Variants in TRPM3 observed in about 807,000 individuals in gnomAD.
The protein encoded by TRPM3 is transient receptor potential cation channel subfamily M member 3.
A neutral mutation model predicts 181.2 loss-of-function variants in TRPM3; 77 were observed. The ratio of observed to expected loss-of-function variants is 0.42; its 90% CI spans 0.35 to 0.51. The LOEUF is 0.51. TRPM3 is among the 20% of genes least tolerant of loss of function. The pLI is 0.01. For missense variants in TRPM3, 1,759 were observed against 2,196.7 expected, an observed-to-expected ratio of 0.80 and a Z score of 3.98; for synonymous variants, 745 against 796.4, an observed-to-expected ratio of 0.94 and a Z score of 1.09.
At chr9:70,988,090 G>T (rs898311181) in intron 1 of TRPM3, among the ~76,000 whole-genome samples, 1 of 152,114 alleles carries the variant, frequency 6.6e-6, no homozygotes, top group Non-Finnish European at 1.5e-5. Flanking sequence ...GCAAGCTTAT[G>T]TAAGTCACTG....
At chr9:71,293,015 C>A (rs188108871) in intron 1 of TRPM3, among the ~76,000 whole-genome samples, 1 of 151,852 alleles carries the variant, frequency 6.6e-6, no homozygotes, top group Non-Finnish European at 1.5e-5. Context: ...AAATGTAAGT[C>A]AACACAGCTA....
intron 1 of TRPM3, among the ~76,000 whole-genome samples, chr9:71,408,633 G>A (rs1344833952): frequency 1.3e-5 from 2 of 152,202 alleles, no homozygotes; most frequent in African/African-American, 4.8e-5. Flanking sequence ...TTTGATTGGT[G>A]TACCTGAAAG....
upstream of TRPM3, among the ~76,000 whole-genome samples, chr9:71,122,877 T>C (rs1003001205): frequency 2.0e-5 from 3 of 152,240 alleles, no homozygotes; most frequent in South Asian, 2.1e-4. Flanking sequence ...TTAATAGATC[T>C]CATACACAGC....
chr9:70,961,959 T>G (rs910931085), intron 1 of TRPM3, among the ~76,000 whole-genome samples: 3 of 152,118 alleles, frequency 2.0e-5, no homozygotes, highest in African/African-American at 7.2e-5. Flanking sequence ...ATAGAATGAC[T>G]CTATAGGACT....
chr9:71,227,994 A>G (rs1026411444), intron 1 of TRPM3, among the ~76,000 whole-genome samples: 2 of 152,170 alleles, frequency 1.3e-5, no homozygotes, highest in African/African-American at 4.8e-5. Flanking sequence ...TGAGGCCAGT[A>G]TTACCCTGAT....
At chr9:71,197,000 C>T (rs916837579) in intron 1 of TRPM3, among the ~76,000 whole-genome samples, 5 of 151,846 alleles carry the variant, frequency 3.3e-5, no homozygotes, top group African/African-American at 9.7e-5. Flanking sequence ...GTATATCTCC[C>T]AATGCTATCT....
chr9:71,016,256 G>A (rs11142671), intron 1 of TRPM3, among the ~76,000 whole-genome samples: 3 of 70,142 alleles, frequency 4.3e-5, no homozygotes, highest in Middle Eastern at 6.8e-3. Flanking sequence ...GTGTGTGTGT[G>A]TGTATCTGTG....
intron 1 of TRPM3, among the ~76,000 whole-genome samples, chr9:71,102,014 T>G (rs191168039): frequency 6.6e-6 from 1 of 152,320 alleles, no homozygotes; most frequent in East Asian, 1.9e-4. Context: ...TCTGTGAAGG[T>G]GGAGTTCCAG....
chr9:71,127,772 G>A (rs1411163), intron 1 of TRPM3, among the ~76,000 whole-genome samples: 48,626 of 152,108 alleles, frequency 0.32, 9,009 homozygotes, highest in Middle Eastern at 0.47. Context: ...GCCATAGACC[G>A]AATGGCCTGA....
At chr9:70,539,338 AT>A (rs999235642) in intron 25 of TRPM3, among the ~76,000 whole-genome samples, 2 of 152,130 alleles carry the variant, frequency 1.3e-5, no homozygotes, top group African/African-American at 4.8e-5. Flanking sequence ...GGCCAGGAGC[AT>A]GGGGGTGTGA....
At chr9:71,085,819 C>G (rs1179870482) in intron 1 of TRPM3, among the ~76,000 whole-genome samples, 1 of 152,032 alleles carries the variant, frequency 6.6e-6, no homozygotes, top group Non-Finnish European at 1.5e-5. Context: ...ATAGGACTAC[C>G]ATTCAGCTCA....
intron 1 of TRPM3, among the ~76,000 whole-genome samples, chr9:71,023,701 T>TAA (rs201859225): frequency 7.8e-4 from 98 of 125,868 alleles, no homozygotes; most frequent in African/African-American, 2.5e-3. Flanking sequence ...TGATGCTGAG[T>TAA]AAAAAAAAAA....
chr9:71,220,143 T>C (rs1405327399), intron 1 of TRPM3, among the ~76,000 whole-genome samples: 2 of 152,204 alleles, frequency 1.3e-5, no homozygotes, highest in East Asian at 3.8e-4. Flanking sequence ...AAAGCCCCTC[T>C]AGTGCTAGTT....
intron 1 of TRPM3, among the ~76,000 whole-genome samples, chr9:71,356,498 T>C (rs781347495): frequency 6.6e-6 from 1 of 152,160 alleles, no homozygotes; most frequent in Non-Finnish European, 1.5e-5. Context: ...AGGATGGGCC[T>C]GAATTCAAAC....
At chr9:70,958,208 A>G (rs1377944193) in intron 1 of TRPM3, among the ~76,000 whole-genome samples, 1 of 152,184 alleles carries the variant, frequency 6.6e-6, no homozygotes, top group African/African-American at 2.4e-5. Context: ...AAACAGTTTC[A>G]AAAGGGTAGG....
intron 1 of TRPM3, among the ~76,000 whole-genome samples, chr9:71,338,288 C>A (rs2090712596): frequency 6.6e-6 from 1 of 152,118 alleles, no homozygotes; most frequent in South Asian, 2.1e-4. Flanking sequence ...AAAACCAAGC[C>A]TTCAGAAGGC....
chr9:70,956,370 C>G lies in TRPM3; in HGVS notation c.178-91859G>C, dbSNP rs1401543180. Among the ~76,000 whole-genome samples, 7 of 67,356 alleles carry G rather than the reference C, an allele frequency of 1.0e-4. No individual in the cohort carries two copies. The East Asian group carries it at 2.0e-3, about 19-fold the overall frequency. The allele number at this position is 67,356 out of a possible 152,430, so 44.2% of individuals were successfully genotyped here. A position where few individuals can be genotyped will look rare whatever the true frequency, so the allele number is the denominator to read the frequency against. On this transcript the variant is annotated intron_variant, in intron 1 of 25. Coordinates refer to ENST00000677713, the MANE Select transcript of TRPM3 (RefSeq NM_001366145.2). ...ATTAAACATTTCCACCCAAAGATAG[C>G]AAATTTTAAATAGAAAAAAAACAGG...
chr9:70,629,056 G>A (rs2065204445), intron 12 of TRPM3, among the ~76,000 whole-genome samples: 1 of 151,734 alleles, frequency 6.6e-6, no homozygotes, highest in Non-Finnish European at 1.5e-5. Flanking sequence ...GGGGCAAATA[G>A]AACATTTTTA....
chr9:71,388,627 C>G (rs543480669), intron 1 of TRPM3, among the ~76,000 whole-genome samples: 12 of 152,248 alleles, frequency 7.9e-5, no homozygotes, highest in East Asian at 7.7e-4. Context: ...TGACAGAGTA[C>G]AGAGTATATT....
Sources: allele counts gnomAD v4.1 joint callset (sites outside exome capture counted in the v4.1 genomes callset), GRCh38; gene constraint gnomAD v4.1.1; transcripts MANE v1.5; gene names NCBI Gene and HGNC (gene_info 2026-07-23, HGNC 2026-07-21).